Variants in CD177 observed in about 807,000 individuals in gnomAD.
CD177 encodes the protein CD177 antigen.
CD177 carries 41 observed loss-of-function variants against 38.1 expected under a neutral mutation model. That is an observed-to-expected ratio of 1.07 (90% CI 0.84 to 1.39). CD177 has a LOEUF of 1.39. Among genes scored for constraint, CD177 ranks in the 40% most tolerant of loss-of-function variants. CD177 has a pLI of 0.00. For missense variants in CD177, 619 were observed against 523.8 expected, an observed-to-expected ratio of 1.18 and a Z score of -1.77; for synonymous variants, 236 against 216.7, an observed-to-expected ratio of 1.09 and a Z score of -0.78.
chr19:43,354,063 G>C, intron 2 of CD177, 70 bp downstream of exon 2: 4 of 1,577,090 alleles, frequency 2.5e-6, no homozygotes, highest in Non-Finnish European at 2.6e-6. Context: ...GCAGGGACCC[G>C]GGAGCCACCC....
intron 8 of CD177, 65 bp downstream of exon 8, chr19:43,361,644 G>A (rs1280419078): frequency 2.0e-6 from 3 of 1,507,320 alleles, no homozygotes; most frequent in Non-Finnish European, 2.7e-6. Context: ...GGGTCTGAGG[G>A]AGGAGGGGCT....
Position 43,361,173 on chromosome 19 carries a change from G to C in CD177, c.791G>C (p.Gly264Ala). Residue 264 changes from glycine (G) to alanine (A), a missense_variant, in exon 7 of 9, where the codon GGC becomes GCC. Transcript: ENST00000618265. ...ACATCAACCCTGGTGGGGACAAAAG[G>C]CTGCAGCACTGTTGGGGCTCAAAAT... is the stretch of plus-strand genomic sequence containing the variant. ...GLTSTLVGTK[G>A]CSTVGAQNSQ... 2 of 1,547,378 alleles carry C rather than the reference G, an allele frequency of 1.3e-6. No individual in the cohort carries two copies. Among genetic ancestry groups the C allele is most frequent in the East Asian group, 2.2e-5 (1 of 44,864 alleles).
At chr19:43,363,371 G>T (rs1407971753), downstream of CD177, among the ~76,000 whole-genome samples, 1 of 72,592 alleles carries the variant, frequency 1.4e-5, no homozygotes, top group Non-Finnish European at 2.7e-5. Flanking sequence ...GGAATCTGCA[G>T]ACAGAGAGAG....
chr19:43,354,499 C>T lies in CD177; in HGVS notation c.379+107C>T, dbSNP rs1969894799. On this transcript the variant is annotated intron_variant, in intron 3 of 8. Coordinates refer to ENST00000618265, the MANE Select transcript of CD177 (RefSeq NM_020406.4). ...CTCCCACCCTCGCTCGCTATCCCGA[C>T]CCTCGCTGGCTCCATCCCTCCCCTG... 5 of 1,169,984 alleles carry T rather than the reference C, an allele frequency of 4.3e-6. No individual in the cohort carries two copies. In the East Asian group the frequency reaches 1.2e-4, roughly 29 times the overall value. 72.5% of individuals were successfully genotyped at this position (1,169,984 alleles called of 1,614,324 possible). A position where few individuals can be genotyped will look rare whatever the true frequency, so the allele number is the denominator to read the frequency against.
At chr19:43,355,111 T>C (rs1365657942) in intron 3 of CD177, among the ~76,000 whole-genome samples, 2 of 100,564 alleles carry the variant, frequency 2.0e-5, no homozygotes, top group South Asian at 3.8e-4. Flanking sequence ...TTTCTTTTTT[T>C]TTTTTTTTTT....
At chr19:43,364,363 C>T (rs567248343), downstream of CD177, among the ~76,000 whole-genome samples, 20 of 152,348 alleles carry the variant, frequency 1.3e-4, no homozygotes, top group South Asian at 4.1e-3. Context: ...TTATTTGTTA[C>T]CTGCAGTGTA....
chr19:43,355,585 G>C (rs757722391), intron 3 of CD177, 76 bp from the exon 4 acceptor site: 17 of 1,591,042 alleles, frequency 1.1e-5, no homozygotes, highest in African/African-American at 5.4e-5. Context: ...GCCAGCAAAA[G>C]TGGGGTGCAG....
rs10425835 is a variant in CD177, at chr19:43,360,396, C to A, written c.751C>A (p.Leu251Ile). ...GQVCQETLLL[L>I]DVGLTSTLVG... ...GGTGTGTCAGGAGACGCTGCTGCTCCTAGATGTAGGTACGTGGACTGAGGT... is the reference window on the plus strand; with the variant it reads ...GGTGTGTCAGGAGACGCTGCTGCTCATAGATGTAGGTACGTGGACTGAGGT... The change falls in exon 6 of 9, where the codon CTA (leucine) becomes ATA (isoleucine). Residue 251 changes from leucine to isoleucine, a missense_variant. Transcript: ENST00000618265. 0.41 allele frequency: 659,556 copies of A among 1,592,726 alleles called. 139,363 individuals are homozygous for A. Among genetic ancestry groups the A allele is most frequent in the African/African-American group, 0.56 (41,297 of 74,160 alleles).
Position 43,353,872 on chromosome 19 carries a change from C to T in CD177, c.72C>T (p.Cys24=), listed in dbSNP as rs1297932885. The change falls in exon 2 of 9, where the codon TGC becomes TGT. Residue 24 remains cysteine, a synonymous_variant. Coordinates refer to ENST00000618265, the MANE Select transcript of CD177 (RefSeq NM_020406.4). ...LPLPGVQALL[C]QFGTVQHVWK... ...CTCCAGGAGTGCAGGCGCTGCTCTG[C>T]CAGTTTGGGACAGTTCAGCATGTGT... The T allele has an allele frequency of 5.6e-6, 9 of 1,613,742 alleles. No homozygotes were observed. Among genetic ancestry groups the T allele is most frequent in the Non-Finnish European group, 6.8e-6 (8 of 1,179,860 alleles).
At chr19:43,354,660 A>G (rs1314746039) in intron 3 of CD177, 9 of 592,118 alleles carry the variant, frequency 1.5e-5, no homozygotes, top group Non-Finnish European at 2.4e-5. Flanking sequence ...GATTTCTGAT[A>G]TGAAATCACC....
intron 3 of CD177, 22 bp from the exon 4 acceptor site, chr19:43,355,639 A>T (rs1264149412): frequency 6.2e-7 from 1 of 1,611,820 alleles, no homozygotes; most frequent in Non-Finnish European, 8.5e-7. Flanking sequence ...GTGCCCCCTC[A>T]CTCTGTCTGT....
At chr19:43,361,636 G>A in intron 8 of CD177, 57 bp downstream of exon 8, 2 of 1,525,534 alleles carry the variant, frequency 1.3e-6, no homozygotes, top group South Asian at 2.4e-5. Context: ...GGACTCCTGG[G>A]TCTGAGGGAG....
chr19:43,363,762 C>T (rs576334546), downstream of CD177, among the ~76,000 whole-genome samples: 51 of 152,274 alleles, frequency 3.3e-4, no homozygotes, highest in African/African-American at 1.2e-3. Context: ...CCTTGCCCCT[C>T]GGCATCCACC....
Position 43,361,477 on chromosome 19 carries a change from A to C in CD177, c.979A>C (p.Thr327Pro), listed in dbSNP as rs545800869. The change falls in exon 8 of 9, where the codon ACC becomes CCC. Residue 327 changes from threonine (T) to proline (P), a missense_variant. Transcript: ENST00000618265. ...TGTCCCAGGAGACCGGCAGTGTCCT[A>C]CCTGTGTGCAGCCCCTTGGAACCTG... ...APVPGDRQCP[T>P]CVQPLGTCSS... is the part of the protein sequence containing the mutation. 3.9e-4 allele frequency: 623 copies of C among 1,585,608 alleles called. 10 individuals carry two copies. The Admixed American group carries it at 0.01, about 26-fold the overall frequency.
Position 43,362,626 on chromosome 19 carries a change from A to G in CD177, c.*306A>G, listed in dbSNP as rs1484752460. On this transcript the variant is annotated 3_prime_UTR_variant, in exon 9 of 9. Transcript: ENST00000618265. Reference sequence around the variant, plus strand: ...TGAGGGGGCAGCAGGACACCCAGGGATCTAGCGTGGGGGAGGAGAGGAGCC... The same window carrying G: ...TGAGGGGGCAGCAGGACACCCAGGGGTCTAGCGTGGGGGAGGAGAGGAGCC... 1.6e-5 allele frequency: 4 copies of G among 253,234 alleles called. No homozygotes were observed. Among genetic ancestry groups the G allele is most frequent in the African/African-American group, 6.7e-5 (3 of 44,770 alleles). 15.7% of individuals were successfully genotyped at this position (253,234 alleles called of 1,614,324 possible).
intron 3 of CD177, chr19:43,354,608 G>C (rs539292995): frequency 1.0e-5 from 6 of 595,096 alleles, no homozygotes; most frequent in African/African-American, 7.7e-5. Flanking sequence ...CCTGCCACCC[G>C]GGAATCCCCG....
In CD177 at chr19:43,361,276, G is replaced by C; in HGVS notation, c.894G>C (p.Leu298=). ...ASYTHFCSSD[L]CNSASSSSVL... ...ATACCCACTTCTGCTCCTCGGACCT[G>C]TGCAATAGTGCCAGCAGCAGCAGCG... is the stretch of plus-strand genomic sequence containing the variant. Residue 298 remains leucine, a synonymous_variant, in exon 7 of 9, where the codon CTG becomes CTC. Coordinates refer to ENST00000618265, the MANE Select transcript of CD177 (RefSeq NM_020406.4). 6.5e-7 allele frequency: 1 copy of C among 1,550,160 alleles called. No homozygotes were observed.
Position 43,361,343 on chromosome 19 carries a change from G to A in CD177, c.946+15G>A. On this transcript the variant is annotated intron_variant, in intron 7 of 8. Transcript: ENST00000618265. The stretch of plus-strand genomic sequence containing the variant: ...CCCTCCTCAAGGTATGGGATCCAGG[G>A]CCGTGGAGAAATGAGGCCCAGACAC... 1.3e-6 allele frequency: 2 copies of A among 1,580,018 alleles called. No individual in the cohort carries two copies. Among genetic ancestry groups the A allele is most frequent in the South Asian group, 1.1e-5 (1 of 88,608 alleles).
chr19:43,363,367 T>C (rs1970001671), downstream of CD177, among the ~76,000 whole-genome samples: 1 of 100,946 alleles, frequency 9.9e-6, no homozygotes, highest in Non-Finnish European at 2.0e-5. Flanking sequence ...TGCTGGAATC[T>C]GCAGACAGAG....
Sources: allele counts gnomAD v4.1 joint callset (sites outside exome capture counted in the v4.1 genomes callset), GRCh38; gene constraint gnomAD v4.1.1; transcripts MANE v1.5; gene names NCBI Gene and HGNC (gene_info 2026-07-23, HGNC 2026-07-21).